TMEM74: variants seen among roughly 807,000 people sequenced by gnomAD.
TMEM74 encodes the protein transmembrane protein 74.
In TMEM74, 13 loss-of-function variants were observed where a neutral mutation model predicts 18.1. The observed-to-expected ratio is 0.72, with a 90% CI of 0.47 to 1.14. The LOEUF is 1.14. Among genes scored for constraint, TMEM74 ranks in the 50% most tolerant of loss-of-function variants. The pLI, the probability that TMEM74 is intolerant of heterozygous loss-of-function variation, is 0.00. For missense variants in TMEM74, 372 were observed against 375.9 expected (o/e 0.99, Z 0.09); for synonymous variants, 159 against 146.6 (o/e 1.08, Z -0.61).
chr8:108,704,942 A>C (rs1338002252), intron 1 of TMEM74, among the ~76,000 whole-genome samples: 1 of 152,230 alleles, frequency 6.6e-6, no homozygotes, highest in Non-Finnish European at 1.5e-5. Context: ...TGTAAATCTC[A>C]AAGTGAAAAA....
chr8:108,722,908 C>G (rs1813599646), intron 1 of TMEM74, among the ~76,000 whole-genome samples: 1 of 152,190 alleles, frequency 6.6e-6, no homozygotes, highest in South Asian at 2.1e-4. Context: ...GCTGCATATG[C>G]TAGCTGTGGA....
intron 1 of TMEM74, among the ~76,000 whole-genome samples, chr8:108,699,181 C>CTTCT (rs1813311621): frequency 1.0e-5 from 1 of 97,340 alleles, no homozygotes; most frequent in Admixed American, 1.2e-4. Flanking sequence ...TCCTTCCTTC[C>CTTCT]TTCCTCCCTC....
At chr8:108,700,244 T>TG (rs1425734327) in intron 1 of TMEM74, among the ~76,000 whole-genome samples, 3 of 150,836 alleles carry the variant, frequency 2.0e-5, no homozygotes, top group Admixed American at 1.3e-4. Context: ...AGAAACTCAG[T>TG]GGGGGGATGT....
chr8:108,611,379 A>C (rs1035817805), intron 2 of TMEM74, among the ~76,000 whole-genome samples: 3 of 152,230 alleles, frequency 2.0e-5, no homozygotes, highest in Admixed American at 2.0e-4. Context: ...AGATACAAAC[A>C]AGTCATGTAA....
intron 2 of TMEM74, among the ~76,000 whole-genome samples, chr8:108,619,475 G>T (rs1330291517): frequency 6.6e-6 from 1 of 152,202 alleles, no homozygotes; most frequent in Admixed American, 6.5e-5. Context: ...CCAAAGAAGT[G>T]CATGGGCCAC....
chr8:108,628,565 C>G (rs1300144906), intron 2 of TMEM74, among the ~76,000 whole-genome samples: 1 of 151,960 alleles, frequency 6.6e-6, no homozygotes, highest in Non-Finnish European at 1.5e-5. Flanking sequence ...CAAGTCTTTG[C>G]TATTGTAAAT....
intron 1 of TMEM74, among the ~76,000 whole-genome samples, chr8:108,773,096 G>C (rs1343268968): frequency 2.0e-5 from 3 of 152,028 alleles, no homozygotes; most frequent in Non-Finnish European, 4.4e-5. Flanking sequence ...CACTGAAAAG[G>C]AGAGGAAGAG....
intron 2 of TMEM74, among the ~76,000 whole-genome samples, chr8:108,634,299 G>A (rs924098354): frequency 7.2e-5 from 11 of 151,952 alleles, no homozygotes; most frequent in African/African-American, 2.7e-4. Flanking sequence ...AAGCTTAAAA[G>A]CAAGAAGAGA....
intron 1 of TMEM74, among the ~76,000 whole-genome samples, chr8:108,680,531 C>T (rs1368291783): frequency 6.6e-6 from 1 of 152,130 alleles, no homozygotes; most frequent in Non-Finnish European, 1.5e-5. Context: ...ATAATAAGAG[C>T]TATCTATGAC....
chr8:108,619,432 T>C (rs1812417627), intron 2 of TMEM74, among the ~76,000 whole-genome samples: 1 of 152,190 alleles, frequency 6.6e-6, no homozygotes, highest in African/African-American at 2.4e-5. Flanking sequence ...GTGAGAGGGC[T>C]GAAGCCTGTC....
At chr8:108,617,861 C>T (rs963906631) in intron 2 of TMEM74, among the ~76,000 whole-genome samples, 5 of 152,164 alleles carry the variant, frequency 3.3e-5, no homozygotes, top group Admixed American at 6.5e-5. Context: ...TGTTGAACCC[C>T]GCTATACCTC....
intron 2 of TMEM74, among the ~76,000 whole-genome samples, chr8:108,614,010 T>C (rs1008268309): frequency 6.6e-5 from 10 of 151,742 alleles, no homozygotes; most frequent in African/African-American, 1.9e-4. Flanking sequence ...TTTGAGAATA[T>C]TGGGAGAAGT....
chr8:108,733,393 A>G (rs1367073616), intron 1 of TMEM74, among the ~76,000 whole-genome samples: 1 of 152,208 alleles, frequency 6.6e-6, no homozygotes. Flanking sequence ...GAAACAAAGT[A>G]GTACATAATT....
intron 1 of TMEM74, among the ~76,000 whole-genome samples, chr8:108,714,229 G>C (rs1563533161): frequency 6.6e-6 from 1 of 151,994 alleles, no homozygotes; most frequent in Non-Finnish European, 1.5e-5. Context: ...AGACTAATCT[G>C]GTCTAAAAGA....
chr8:108,732,702 T>A (rs1457307983), intron 1 of TMEM74, among the ~76,000 whole-genome samples: 1 of 151,930 alleles, frequency 6.6e-6, no homozygotes, highest in Non-Finnish European at 1.5e-5. Flanking sequence ...TTCTGCATTA[T>A]GACATATTCA....
chr8:108,680,204 A>T (rs1198679916), intron 1 of TMEM74, among the ~76,000 whole-genome samples: 2 of 152,176 alleles, frequency 1.3e-5, no homozygotes, highest in Non-Finnish European at 2.9e-5. Flanking sequence ...CCTGGCAGAG[A>T]CACAACCAAA....
chr8:108,786,443 A>G (rs1814386161), intron 1 of TMEM74, among the ~76,000 whole-genome samples: 1 of 152,202 alleles, frequency 6.6e-6, no homozygotes. Flanking sequence ...CACAGCTCCA[A>G]AGCTGGTAAC....
downstream of TMEM74, among the ~76,000 whole-genome samples, chr8:108,774,243 A>G (rs1814204084): frequency 6.6e-6 from 1 of 152,212 alleles, no homozygotes; most frequent in South Asian, 2.1e-4. Flanking sequence ...CTGCTGGACT[A>G]CATTTCCCAG....
chr8:108,787,284 G>C (rs1018572044), intron 1 of TMEM74, among the ~76,000 whole-genome samples, 192 bp downstream of exon 1: 2 of 152,184 alleles, frequency 1.3e-5, no homozygotes, highest in Non-Finnish European at 2.9e-5. Context: ...GCCCCCAGCA[G>C]GCGCCGAGGA....
Sources: allele counts gnomAD v4.1 joint callset (sites outside exome capture counted in the v4.1 genomes callset), GRCh38; gene constraint gnomAD v4.1.1; transcripts MANE v1.5; gene names NCBI Gene and HGNC (gene_info 2026-07-23, HGNC 2026-07-21).